Variants in ERFL observed in about 807,000 individuals in gnomAD.
The protein encoded by ERFL is ETS domain-containing transcription factor ERF-like.
ERFL carries 8 observed loss-of-function variants against 27.9 expected under a neutral mutation model. The ratio of observed to expected loss-of-function variants is 0.29; its 90% confidence interval spans 0.17 to 0.52. The LOEUF (loss-of-function observed/expected upper bound fraction) is 0.52, where lower values mean the gene tolerates loss of function less well. ERFL is among the 20% of genes least tolerant of loss of function. ERFL has a pLI of 0.97. For missense variants in ERFL, 294 were observed against 444.4 expected (o/e 0.66, Z 3.04); for synonymous variants, 174 against 202.8 (o/e 0.86, Z 1.21).
intron 1 of ERFL, chr19:41,923,343 G>C: frequency 2.8e-6 from 1 of 360,194 alleles, no homozygotes; most frequent in Non-Finnish European, 5.5e-6. Flanking sequence ...CAGAGTCCAG[G>C]ATATGGAGAA....
In ERFL at chr19:41,917,935, T is replaced by C. The variant is rs1308179772; in HGVS notation, c.-13-5003A>G. 2.6e-5 allele frequency among the ~76,000 whole-genome samples: 4 copies of C among 151,848 alleles called. No individual in the cohort carries two copies. The highest frequency in any genetic ancestry group is 9.7e-5 in the African/African-American group (4 of 41,258). On this transcript the variant is annotated intron_variant, in intron 1 of 5. Coordinates refer to ENST00000597630, the MANE Select transcript of ERFL (RefSeq NM_001365103.2). This position sits in a 1 kb window ranked among gnomAD's most constrained non-coding sequence, Gnocchi z 4.8. ...CCCGCGGTCACACACTGTGTGTGTG[T>C]GTGCTCACACACCTGTCCGTCCAGA...
chr19:41,909,291 A>G lies in ERFL; in HGVS notation c.483T>C (p.Pro161=). The G allele has an allele frequency of 8.1e-7, 1 of 1,233,304 alleles. No individual in the cohort carries two copies. The highest frequency in any genetic ancestry group is 3.2e-5 in the East Asian group (1 of 31,600). 76.4% of individuals were successfully genotyped at this position (1,233,304 alleles called of 1,614,324 possible). The change falls in exon 4 of 6, where the codon CCT becomes CCC. Residue 161 remains proline (P), a synonymous_variant. Transcript: ENST00000597630. This position sits in a 1 kb window ranked among gnomAD's most constrained non-coding sequence, Gnocchi z 5.2. ...CCAGACTCACCTCAGGGGTGAGGGG[A>G]GGAGCATCTGGCCCTGGGGCCCCCC... is the stretch of plus-strand genomic sequence containing the variant. ...PFGGAPGPDA[P]PLTPETLQTL...
At chr19:41,914,576 TCTC>T (rs1568831596) in intron 1 of ERFL, among the ~76,000 whole-genome samples, 287 of 28,486 alleles carry the variant, frequency 0.01, 33 homozygotes, top group Non-Finnish European at 0.014. Context: ...TCTGTCTCCG[TCTC>T]TCCCTCCCTT....
At chr19:41,914,590 T>C (rs1555851591) in intron 1 of ERFL, among the ~76,000 whole-genome samples, 10 of 60,668 alleles carry the variant, frequency 1.6e-4, no homozygotes, top group Admixed American at 5.5e-4. Flanking sequence ...TCCCTCCCTT[T>C]CCACCATCTC....
chr19:41,911,004 A>C (rs1240742856), intron 2 of ERFL, among the ~76,000 whole-genome samples: 3 of 152,200 alleles, frequency 2.0e-5, no homozygotes, highest in Non-Finnish European at 2.9e-5. Flanking sequence ...CAGGACCCCA[A>C]ATGCCCAAAG....
At position 41,908,400 on chromosome 19, in the gene ERFL, C is replaced by T. The variant is rs1224336705; in HGVS notation, c.893G>A (p.Arg298His). ...ERPSGLAAAP[R>H]LALPGAGGPE... ...ACCCCCAGCCCCTGGCAGCGCCAGG[C>T]GAGGGGCCGCTGCCAGGCCCGAGGG... is the stretch of plus-strand genomic sequence containing the variant. The change falls in exon 6 of 6, where the codon CGC (arginine) becomes CAC (histidine). Residue 298 changes from arginine to histidine, a missense_variant. Transcript: ENST00000597630. The surrounding 1 kb of genome is among the most constrained non-coding windows in gnomAD (Gnocchi z 6.7). 23 of 1,231,166 alleles carry T rather than the reference C, an allele frequency of 1.9e-5. No homozygotes were observed. The East Asian group carries it at 6.0e-4, about 32-fold the overall frequency. 76.3% of individuals were successfully genotyped at this position (1,231,166 alleles called of 1,614,324 possible).
At chr19:41,926,633 G>T (rs2074872027) in intron 1 of ERFL, among the ~76,000 whole-genome samples, 1 of 152,120 alleles carries the variant, frequency 6.6e-6, no homozygotes, top group African/African-American at 2.4e-5. Context: ...GCGAGGCCTG[G>T]CCTGCTGGCC....
Position 41,917,787 on chromosome 19 carries a change from A to G in ERFL, c.-13-4855T>C, listed in dbSNP as rs1168891686. 6.6e-6 allele frequency among the ~76,000 whole-genome samples: 1 copy of G among 151,772 alleles called. No homozygotes were observed. Among genetic ancestry groups the G allele is most frequent in the East Asian group, 1.9e-4 (1 of 5,154 alleles). On this transcript the variant is annotated intron_variant, in intron 1 of 5. Coordinates refer to ENST00000597630, the MANE Select transcript of ERFL (RefSeq NM_001365103.2). This position sits in a 1 kb window ranked among gnomAD's most constrained non-coding sequence, Gnocchi z 4.8. ...ACAGTAGAGACCCACAGTGACACCC[A>G]CTAGTAGGCACACACACACCATGCA...
chr19:41,909,691 G>T lies in ERFL; in HGVS notation c.302+172C>A, dbSNP rs1227402488. ...CAAGACTCCAAAGCCCAGGTTTAGG[G>T]GTCCCTCCTCCTCGCCTCCCTTCCA... On this transcript the variant is annotated intron_variant, in intron 3 of 5. Transcript: ENST00000597630. The surrounding 1 kb of genome is among the most constrained non-coding windows in gnomAD (Gnocchi z 5.2). Among the ~76,000 whole-genome samples the T allele has an allele frequency of 2.0e-5, 3 of 152,120 alleles. No homozygotes were observed. Among genetic ancestry groups the T allele is most frequent in the African/African-American group, 7.2e-5 (3 of 41,426 alleles).
chr19:41,915,118 TCC>T (rs2074792064), intron 1 of ERFL, among the ~76,000 whole-genome samples: 1 of 57,262 alleles, frequency 1.7e-5, no homozygotes, highest in African/African-American at 7.7e-5. Flanking sequence ...AGGGTCCCCC[TCC>T]TTCCTCCCCC....
At position 41,909,217 on chromosome 19, in the gene ERFL, C is replaced by G. The variant is rs992129719; in HGVS notation, c.499-40G>C. On this transcript the variant is annotated intron_variant, in intron 4 of 5. Transcript: ENST00000597630. The surrounding 1 kb of genome is among the most constrained non-coding windows in gnomAD (Gnocchi z 5.2). ...GGAGAAGCCGCCCTTCTCAGACTGTCCCCTCCCCAGAGTGGGCACCAAGTG... is the reference window on the plus strand; with the variant it reads ...GGAGAAGCCGCCCTTCTCAGACTGTGCCCTCCCCAGAGTGGGCACCAAGTG... The G allele has an allele frequency of 1.5e-4, 186 of 1,231,366 alleles. No homozygotes were observed. The highest frequency in any genetic ancestry group is 1.2e-3 in the Middle Eastern group (4 of 3,218). 76.3% of individuals were successfully genotyped at this position (1,231,366 alleles called of 1,614,324 possible). A position where few individuals can be genotyped will look rare whatever the true frequency, so the allele number is the denominator to read the frequency against.
Position 41,910,809 on chromosome 19 carries a change from C to T in ERFL, c.68-712G>A, listed in dbSNP as rs549900884. Among the ~76,000 whole-genome samples the T allele has an allele frequency of 1.3e-5, 2 of 152,270 alleles. No homozygotes were observed. Among genetic ancestry groups the T allele is most frequent in the African/African-American group, 4.8e-5 (2 of 41,548 alleles). Reference sequence around the variant, plus strand: ...CCTGAGACACACAGCCACACTGGGACACAGGCACACCGGAGTGCCACACTC... The same window carrying T: ...CCTGAGACACACAGCCACACTGGGATACAGGCACACCGGAGTGCCACACTC... On this transcript the variant is annotated intron_variant, in intron 2 of 5. Coordinates refer to ENST00000597630, the MANE Select transcript of ERFL (RefSeq NM_001365103.2). The surrounding 1 kb of genome is among the most constrained non-coding windows in gnomAD (Gnocchi z 4.4).
At position 41,914,653 on chromosome 19, in the gene ERFL, ACCATCTCTGTCTC is replaced by A. The variant is rs2074781207; in HGVS notation, c.-13-1734_-13-1722del. On this transcript the variant is annotated intron_variant, in intron 1 of 5. Coordinates refer to ENST00000597630, the MANE Select transcript of ERFL (RefSeq NM_001365103.2). ...TGTCTCTGTCTCTCCCTCCCTTTCC[ACCATCTCTGTCTC>A]TCCCTCCCCTTCCACCATCTCTGTC... 1.3e-4 allele frequency among the ~76,000 whole-genome samples: 2 copies of A among 15,912 alleles called. 1 individual carries two copies. The highest frequency in any genetic ancestry group is 1.3e-3 in the Admixed American group (2 of 1,540). 10.4% of individuals were successfully genotyped at this position (15,912 alleles called of 152,430 possible).
In ERFL at chr19:41,908,687, C is replaced by A; in HGVS notation, c.617-11G>T. The A allele has an allele frequency of 8.1e-7, 1 of 1,228,572 alleles. No individual in the cohort carries two copies. The highest frequency in any genetic ancestry group is 1.0e-6 in the Non-Finnish European group (1 of 985,252). 76.1% of individuals were successfully genotyped at this position (1,228,572 alleles called of 1,614,324 possible). A position where few individuals can be genotyped will look rare whatever the true frequency, so the allele number is the denominator to read the frequency against. Reference sequence around the variant, plus strand: ...AATAGCTGGTGGCACCTGGGGGGCACAGGGGTAGGTCAGGCTGGGGCACCT... The same window carrying A: ...AATAGCTGGTGGCACCTGGGGGGCAAAGGGGTAGGTCAGGCTGGGGCACCT... On this transcript the variant is annotated splice_polypyrimidine_tract_variant and intron_variant, in intron 5 of 5. Transcript: ENST00000597630. The surrounding 1 kb of genome is among the most constrained non-coding windows in gnomAD (Gnocchi z 6.7).
intron 1 of ERFL, among the ~76,000 whole-genome samples, chr19:41,927,431 AAC>A (rs1396551756): frequency 6.6e-6 from 1 of 151,904 alleles, no homozygotes; most frequent in African/African-American, 2.4e-5. Flanking sequence ...CTTAGCTTTG[AAC>A]TCCAACTCCA....
chr19:41,926,356 G>A (rs2074870403), intron 1 of ERFL, among the ~76,000 whole-genome samples: 1 of 152,134 alleles, frequency 6.6e-6, no homozygotes, highest in Admixed American at 6.5e-5. Context: ...GTTGCGTGCA[G>A]GCAGGTATGA....
chr19:41,914,245 C>G (rs1188093707), intron 1 of ERFL, among the ~76,000 whole-genome samples: 1 of 151,268 alleles, frequency 6.6e-6, no homozygotes, highest in Non-Finnish European at 1.5e-5. Context: ...CCGTCTTTCT[C>G]CATCTGCCCC....
intron 1 of ERFL, among the ~76,000 whole-genome samples, chr19:41,913,159 C>A (rs1226990676): frequency 6.6e-6 from 1 of 152,006 alleles, no homozygotes; most frequent in East Asian, 1.9e-4. Context: ...TCTCCTCCCG[C>A]AGCCTCCTCC....
At chr19:41,918,357 C>T (rs1034906077) in intron 1 of ERFL, among the ~76,000 whole-genome samples, 1 of 151,094 alleles carries the variant, frequency 6.6e-6, no homozygotes, top group East Asian at 2.0e-4. Context: ...ACACCATACA[C>T]ACACCATACC....
Sources: allele counts gnomAD v4.1 joint callset (sites outside exome capture counted in the v4.1 genomes callset), GRCh38; gene constraint gnomAD v4.1.1; non-coding constraint Gnocchi (gnomAD v3.1); transcripts MANE v1.5; gene names NCBI Gene and HGNC (gene_info 2026-07-23, HGNC 2026-07-21).